The following DNAH14 variants were observed in gnomAD, a reference collection of about 807,000 sequenced individuals.
DNAH14 encodes dynein axonemal heavy chain 14.
DNAH14 carries 478 observed loss-of-function variants against 520.9 expected under a neutral mutation model. The observed-to-expected ratio is 0.92, with a 90% CI of 0.85 to 0.99. DNAH14 has a LOEUF of 0.99. Ranked by LOEUF, DNAH14 falls within the 50% of genes least tolerant of loss-of-function variation. The pLI is 0.00. For synonymous variants in DNAH14, 1,581 were observed against 1,757.2 expected (o/e 0.90, Z 2.51); for missense variants, 4,831 against 5,234.5 (o/e 0.92, Z 2.38).
At chr1:225,391,017 G>A (rs761498360) in intron 83 of DNAH14, among the ~76,000 whole-genome samples, 6 of 152,132 alleles carry the variant, frequency 3.9e-5, no homozygotes, top group Non-Finnish European at 8.8e-5. Flanking sequence ...TTCAATGACT[G>A]GACTAAGCGG....
chr1:225,104,390 C>A (rs954815127), intron 23 of DNAH14, among the ~76,000 whole-genome samples: 3 of 152,120 alleles, frequency 2.0e-5, no homozygotes, highest in African/African-American at 7.2e-5. Context: ...CAGGATGATA[C>A]TGGCTTCATA....
intron 4 of DNAH14, among the ~76,000 whole-genome samples, chr1:224,960,653 G>C (rs1465634517): frequency 6.6e-6 from 1 of 151,996 alleles, no homozygotes; most frequent in Non-Finnish European, 1.5e-5. Context: ...GCCTGATAGA[G>C]TTTAAATCCC....
At chr1:225,254,141 A>G (rs1477700272) in intron 44 of DNAH14, among the ~76,000 whole-genome samples, 1 of 152,010 alleles carries the variant, frequency 6.6e-6, no homozygotes, top group African/African-American at 2.4e-5. Context: ...CTAGATATGG[A>G]AAGTGCAGGG....
At chr1:224,949,885 T>C (rs562095547) in intron 1 of DNAH14, among the ~76,000 whole-genome samples, 2 of 152,182 alleles carry the variant, frequency 1.3e-5, no homozygotes, top group East Asian at 1.9e-4. Flanking sequence ...TTATCTGATA[T>C]CTCCTACTCC....
At chr1:225,087,487 T>C (rs2073948099) in intron 21 of DNAH14, among the ~76,000 whole-genome samples, 2 of 152,186 alleles carry the variant, frequency 1.3e-5, no homozygotes, top group Non-Finnish European at 2.9e-5. Context: ...CAAATCAGAC[T>C]AGACAAAATA....
In DNAH14 at chr1:224,965,613, A is replaced by T. The variant is rs2501060; in HGVS notation, c.498+1004A>T. Among the ~76,000 whole-genome samples, 380 of 152,274 alleles carry T rather than the reference A, an allele frequency of 2.5e-3. 2 individuals are homozygous for T. Among genetic ancestry groups the T allele is most frequent in the African/African-American group, 8.4e-3 (350 of 41,572 alleles). On this transcript the variant is annotated intron_variant, in intron 5 of 85. Transcript: ENST00000682510. ...TACACTGTTACCATGAAGATAAATC[A>T]TCTTTTAATCATTTTTCAGAGGCAA...
intron 17 of DNAH14, among the ~76,000 whole-genome samples, chr1:225,065,824 A>G (rs888046554): frequency 3.3e-5 from 5 of 152,114 alleles, no homozygotes; most frequent in African/African-American, 1.2e-4. Context: ...TAAAAGGAAC[A>G]TGGAAGTGCA....
chr1:225,238,549 G>T (rs1368692931), intron 42 of DNAH14, among the ~76,000 whole-genome samples: 1 of 152,166 alleles, frequency 6.6e-6, no homozygotes, highest in African/African-American at 2.4e-5. Flanking sequence ...TCCTATAGGA[G>T]GTGTCTGGAG....
intron 8 of DNAH14, among the ~76,000 whole-genome samples, chr1:224,977,993 T>G (rs891535556): frequency 6.6e-6 from 1 of 152,158 alleles, no homozygotes; most frequent in Admixed American, 6.5e-5. Context: ...AGAATGGCTG[T>G]AATCAAAAAG....
chr1:225,265,644 GT>G (rs1015964849), intron 48 of DNAH14, among the ~76,000 whole-genome samples: 12 of 152,190 alleles, frequency 7.9e-5, no homozygotes, highest in Admixed American at 5.9e-4. Context: ...GATGCCAACT[GT>G]TTTGTTACTG....
chr1:225,290,606 T>A (rs2093846808), intron 55 of DNAH14, among the ~76,000 whole-genome samples: 1 of 142,538 alleles, frequency 7.0e-6, no homozygotes, highest in Non-Finnish European at 1.5e-5. Context: ...TGTGTGTGTG[T>A]GTGTGTATGT....
rs1572915398 is a variant in DNAH14 at position 225,079,409 on chromosome 1, T to G, written c.2627T>G (p.Leu876Arg). 1 of 1,550,338 alleles carries G rather than the reference T, an allele frequency of 6.5e-7. No homozygotes were observed. The highest frequency in any genetic ancestry group is 2.4e-5 in the East Asian group (1 of 40,844). ...SEEQIAIFQV[L>R]LLKFSQLKSS... ...GAGCAAATTGCCATATTCCAAGTTC[T>G]TCTTCTTAAGTTTAGTCAACTAAAA... is the stretch of plus-strand genomic sequence containing the variant. The change falls in exon 18 of 86, where the codon CTT (leucine) becomes CGT (arginine). Residue 876 changes from leucine to arginine, a missense_variant. Transcript: ENST00000682510.
chr1:225,010,909 G>A (rs1319723637), intron 10 of DNAH14, among the ~76,000 whole-genome samples: 1 of 151,368 alleles, frequency 6.6e-6, no homozygotes, highest in Admixed American at 6.6e-5. Context: ...TTCTCTGATG[G>A]TAGTTTGTAT....
At chr1:225,230,989 A>G in intron 41 of DNAH14, 84 bp from the exon 42 acceptor site, 5 of 848,636 alleles carry the variant, frequency 5.9e-6, no homozygotes, top group Non-Finnish European at 9.0e-6. Context: ...TAACTAAACA[A>G]TGTTAAAGGT....
At chr1:225,084,032 TAACTC>T (rs1249467955) in intron 20 of DNAH14, among the ~76,000 whole-genome samples, 1 of 152,086 alleles carries the variant, frequency 6.6e-6, no homozygotes, top group African/African-American at 2.4e-5. Context: ...TGGCCTGTAA[TAACTC>T]AAAGGGTTCC....
At chr1:224,956,478 T>C (rs1381364442) in intron 3 of DNAH14, among the ~76,000 whole-genome samples, 1 of 152,154 alleles carries the variant, frequency 6.6e-6, no homozygotes, top group Non-Finnish European at 1.5e-5. Context: ...AAACGTGCTA[T>C]ACAGATTTGT....
chr1:225,205,266 G>T (rs1277576495), intron 39 of DNAH14, among the ~76,000 whole-genome samples: 1 of 152,082 alleles, frequency 6.6e-6, no homozygotes, highest in Non-Finnish European at 1.5e-5. Flanking sequence ...AGGTCATGAG[G>T]GTAGAGCCCT....
At chr1:225,358,133 G>A (rs2095452092) in intron 73 of DNAH14, among the ~76,000 whole-genome samples, 1 of 152,108 alleles carries the variant, frequency 6.6e-6, no homozygotes, top group Non-Finnish European at 1.5e-5. Flanking sequence ...CAACACCATG[G>A]GGTTTTCTTG....
chr1:225,088,244 A>G (rs1572976516), intron 21 of DNAH14, among the ~76,000 whole-genome samples: 1 of 152,356 alleles, frequency 6.6e-6, no homozygotes, highest in Middle Eastern at 3.4e-3. Flanking sequence ...GAACTGACAC[A>G]GTTATTAAAA....
Sources: allele counts gnomAD v4.1 joint callset (sites outside exome capture counted in the v4.1 genomes callset), GRCh38; gene constraint gnomAD v4.1.1; transcripts MANE v1.5; gene names NCBI Gene and HGNC (gene_info 2026-07-23, HGNC 2026-07-21).